PLD5: variants seen among roughly 807,000 people sequenced by gnomAD.
The protein encoded by PLD5 is inactive phospholipase D5.
Under a neutral mutation model 61.1 loss-of-function variants are expected in PLD5, and 36 were observed. The observed-to-expected ratio is 0.59, with a 90% CI of 0.45 to 0.78. The LOEUF is 0.78. Among genes scored for constraint, PLD5 ranks in the 30% least tolerant of loss-of-function variants. PLD5 has a pLI of 0.00. For synonymous variants in PLD5, 243 were observed against 242.8 expected (o/e 1.00, Z -0.01); for missense variants, 515 against 644.4 (o/e 0.80, Z 2.17).
intron 2 of PLD5, among the ~76,000 whole-genome samples, chr1:242,318,106 A>G (rs1260214071): frequency 6.6e-6 from 1 of 152,222 alleles, no homozygotes; most frequent in African/African-American, 2.4e-5. Flanking sequence ...TGGCTCGCCT[A>G]AGAAGACAAA....
intron 2 of PLD5, among the ~76,000 whole-genome samples, chr1:242,295,061 C>T (rs537600606): frequency 1.3e-5 from 2 of 152,158 alleles, no homozygotes; most frequent in African/African-American, 2.4e-5. Flanking sequence ...CAGATGATCT[C>T]GGCTCATCAA....
chr1:242,132,767 C>T (rs1663393006), intron 5 of PLD5, among the ~76,000 whole-genome samples: 1 of 152,104 alleles, frequency 6.6e-6, no homozygotes, highest in Non-Finnish European at 1.5e-5. Flanking sequence ...TCCATGTCTA[C>T]CACATGGGAA....
At chr1:242,179,010 G>T (rs1667349869) in intron 5 of PLD5, among the ~76,000 whole-genome samples, 1 of 152,222 alleles carries the variant, frequency 6.6e-6, no homozygotes, top group South Asian at 2.1e-4. Context: ...AGGGAACCCT[G>T]AAGAGAATAT....
At chr1:242,258,118 A>C (rs1304979994) in intron 4 of PLD5, among the ~76,000 whole-genome samples, 1 of 152,196 alleles carries the variant, frequency 6.6e-6, no homozygotes, top group African/African-American at 2.4e-5. Flanking sequence ...TCCTATAGAA[A>C]TTGCATATAA....
At chr1:242,502,473 AAC>A (rs1335122564) in intron 1 of PLD5, among the ~76,000 whole-genome samples, 1 of 152,218 alleles carries the variant, frequency 6.6e-6, no homozygotes, top group Admixed American at 6.5e-5. Flanking sequence ...TATTCTGATT[AAC>A]AGTTACCAAG....
Position 242,320,194 on chromosome 1 carries a change from T to A in PLD5, c.326+27912A>T, listed in dbSNP as rs554519946. 1.2e-3 allele frequency among the ~76,000 whole-genome samples: 190 copies of A among 152,344 alleles called. 1 individual carries two copies. The highest frequency in any genetic ancestry group is 4.3e-3 in the African/African-American group (180 of 41,570). Reference sequence around the variant, plus strand: ...AAATATAAATACAAAAAAATTAACATCCATTTATTGACGGTATTATATTGC... The same window carrying A: ...AAATATAAATACAAAAAAATTAACAACCATTTATTGACGGTATTATATTGC... On this transcript the variant is annotated intron_variant, in intron 2 of 9. Coordinates refer to ENST00000536534, the MANE Select transcript of PLD5 (RefSeq NM_001372062.1).
intron 1 of PLD5, among the ~76,000 whole-genome samples, chr1:242,428,822 A>C (rs775817360): frequency 5.3e-5 from 8 of 152,238 alleles, no homozygotes; most frequent in Non-Finnish European, 1.2e-4. Context: ...AGAAATCACG[A>C]TGATAAAAAT....
At chr1:242,165,729 T>C in intron 5 of PLD5, among the ~76,000 whole-genome samples, 1 of 152,188 alleles carries the variant, frequency 6.6e-6, no homozygotes, top group East Asian at 1.9e-4. Context: ...CTTGATGCAA[T>C]TTCCAGTGCT....
chr1:242,142,740 C>CTCTCTG (rs1664264191), intron 5 of PLD5, among the ~76,000 whole-genome samples: 1 of 150,798 alleles, frequency 6.6e-6, no homozygotes, highest in African/African-American at 2.5e-5. Flanking sequence ...CTCTCTCTCT[C>CTCTCTG]TCTCTGTCTC....
intron 4 of PLD5, among the ~76,000 whole-genome samples, chr1:242,257,723 G>A (rs916253052): frequency 1.1e-4 from 17 of 152,072 alleles, no homozygotes; most frequent in African/African-American, 3.9e-4. Flanking sequence ...AAAACATGTT[G>A]CACATGATAA....
chr1:242,411,036 T>G (rs1158895544), intron 1 of PLD5, among the ~76,000 whole-genome samples: 2 of 152,140 alleles, frequency 1.3e-5, no homozygotes, highest in African/African-American at 4.8e-5. Flanking sequence ...GGCCAGCATT[T>G]TGGAAGACAA....
At chr1:242,222,422 C>T (rs145145677) in intron 4 of PLD5, among the ~76,000 whole-genome samples, 18 of 152,274 alleles carry the variant, frequency 1.2e-4, no homozygotes, top group Non-Finnish European at 1.9e-4. Context: ...TGAAGGTGAC[C>T]GTGGTGCTGG....
chr1:242,112,472 T>C (rs1661608397), intron 7 of PLD5, among the ~76,000 whole-genome samples: 2 of 152,146 alleles, frequency 1.3e-5, no homozygotes, highest in African/African-American at 4.8e-5. Flanking sequence ...TAGCTGGGAT[T>C]ACAGGCGTGC....
chr1:242,246,194 C>T (rs1672342019), intron 4 of PLD5, among the ~76,000 whole-genome samples: 1 of 151,752 alleles, frequency 6.6e-6, no homozygotes, highest in Admixed American at 6.6e-5. Flanking sequence ...CAGTGAGACC[C>T]CCATCTCTAC....
chr1:242,135,898 G>A (rs573545199), intron 5 of PLD5, among the ~76,000 whole-genome samples: 10 of 152,246 alleles, frequency 6.6e-5, no homozygotes, highest in African/African-American at 2.4e-4. Context: ...TACGCCTCCT[G>A]TGGCAGGAAG....
At chr1:242,449,270 C>T (rs771761555) in intron 1 of PLD5, 2 of 1,510,440 alleles carry the variant, frequency 1.3e-6, no homozygotes, top group Non-Finnish European at 1.8e-6. Context: ...TCTCATGCTA[C>T]CAACAGCCAT....
At chr1:242,305,708 C>T (rs1558448123) in intron 2 of PLD5, among the ~76,000 whole-genome samples, 2 of 152,142 alleles carry the variant, frequency 1.3e-5, no homozygotes, top group African/African-American at 4.8e-5. Context: ...ACTACAGGTG[C>T]GTGCCACCAT....
chr1:242,505,147 A>T (rs1330742119), intron 1 of PLD5, among the ~76,000 whole-genome samples: 1 of 152,208 alleles, frequency 6.6e-6, no homozygotes, highest in Non-Finnish European at 1.5e-5. Flanking sequence ...ACAAAGTGAG[A>T]CACTGTCTCA....
At chr1:242,301,984 C>G (rs1399571097) in intron 2 of PLD5, among the ~76,000 whole-genome samples, 1 of 152,036 alleles carries the variant, frequency 6.6e-6, no homozygotes, top group African/African-American at 2.4e-5. Flanking sequence ...TTTCACCATG[C>G]TGGCCAGGCT....
Sources: gnomAD v4.1 joint callset for allele counts (sites outside exome capture counted in the v4.1 genomes callset) on GRCh38, gnomAD v4.1.1 for gene constraint, MANE v1.5 for transcripts, NCBI Gene and HGNC (gene_info 2026-07-23, HGNC 2026-07-21) for gene names.